GREB1L: variants seen among roughly 807,000 people sequenced by gnomAD.
GREB1L encodes GREB1 like retinoic acid receptor coactivator.
GREB1L carries 17 observed loss-of-function variants against 200.8 expected under a neutral mutation model. That is an observed-to-expected ratio of 0.08 (90% CI 0.06 to 0.13). The LOEUF (loss-of-function observed/expected upper bound fraction) is 0.13, where lower values mean the gene tolerates loss of function less well. Ranked by LOEUF, GREB1L falls within the 10% of genes least tolerant of loss-of-function variation. The pLI is 1.00. For missense variants in GREB1L, 1,657 were observed against 2,367.7 expected (o/e 0.70, Z 6.23); for synonymous variants, 789 against 893.0 (o/e 0.88, Z 2.08).
At chr18:21,407,534 T>C (rs1423131436) in intron 7 of GREB1L, among the ~76,000 whole-genome samples, 1 of 152,200 alleles carries the variant, frequency 6.6e-6, no homozygotes, top group African/African-American at 2.4e-5. Context: ...AGCAGACCGT[T>C]TTCTCATCAG....
At chr18:21,459,329 G>A (rs2034930691) in intron 15 of GREB1L, among the ~76,000 whole-genome samples, 1 of 133,450 alleles carries the variant, frequency 7.5e-6, no homozygotes, top group African/African-American at 2.7e-5. Flanking sequence ...CTTGTTGCCC[G>A]GGCTGGAGTG....
rs375034263 is a variant in GREB1L at position 21,267,302 on chromosome 18, C to T, written c.-120+24909C>T. Among the ~76,000 whole-genome samples the T allele has an allele frequency of 7.5e-3, 1,136 of 151,802 alleles. 24 individuals carry two copies. The highest frequency in any genetic ancestry group is 0.026 in the African/African-American group (1,088 of 41,336). ...GTTCAAGCGATTCTCCTGCCTCAGC[C>T]TCCTGAGTAGCTGGGATTACAGGTG... On this transcript the variant is annotated intron_variant, in intron 1 of 32. Coordinates refer to ENST00000424526, the MANE Select transcript of GREB1L (RefSeq NM_001142966.3).
chr18:21,353,173 C>A (rs1420148723), intron 1 of GREB1L, among the ~76,000 whole-genome samples: 1 of 148,128 alleles, frequency 6.8e-6, no homozygotes. Flanking sequence ...CAAAGTGAGA[C>A]TCTGTCTCAA....
chr18:21,300,364 A>G (rs182921961), intron 1 of GREB1L, among the ~76,000 whole-genome samples: 6 of 152,360 alleles, frequency 3.9e-5, no homozygotes, highest in African/African-American at 1.4e-4. Context: ...ACTGTGGTGT[A>G]AATCCATCAT....
intron 31 of GREB1L, among the ~76,000 whole-genome samples, chr18:21,520,424 T>G (rs1484490451): frequency 1.3e-5 from 2 of 152,250 alleles, no homozygotes; most frequent in Non-Finnish European, 2.9e-5. Context: ...AGGGCTTGTT[T>G]CTTACTACTA....
At chr18:21,369,206 C>T (rs1186418809) in intron 2 of GREB1L, among the ~76,000 whole-genome samples, 3 of 152,094 alleles carry the variant, frequency 2.0e-5, no homozygotes, top group Admixed American at 6.6e-5. Flanking sequence ...AGTTTGTTTT[C>T]GGAAACCATA....
In GREB1L at chr18:21,341,314, C is replaced by G. The variant is rs75711194; in HGVS notation, c.-119-24713C>G. ...AAGACAGGAGAGGCCACAGCATTGG[C>G]AAGGGTTCCTCCAGTTGAAAGTTTG... On this transcript the variant is annotated intron_variant, in intron 1 of 32. Transcript: ENST00000424526. Among the ~76,000 whole-genome samples, 1,133 of 152,292 alleles carry G rather than the reference C, an allele frequency of 7.4e-3. 16 individuals carry two copies. The highest frequency in any genetic ancestry group is 0.026 in the African/African-American group (1,070 of 41,564).
At chr18:21,294,061 C>A (rs1181859361) in intron 1 of GREB1L, among the ~76,000 whole-genome samples, 3 of 152,140 alleles carry the variant, frequency 2.0e-5, no homozygotes, top group Admixed American at 2.0e-4. Flanking sequence ...GGATTGCAGG[C>A]ATGAGCCACT....
chr18:21,415,299 G>T (rs749611773), intron 7 of GREB1L, among the ~76,000 whole-genome samples: 1 of 152,180 alleles, frequency 6.6e-6, no homozygotes, highest in Non-Finnish European at 1.5e-5. Context: ...AGGATTGCTT[G>T]AGCTCAGGAG....
chr18:21,477,482 T>C, intron 17 of GREB1L, 126 bp downstream of exon 17: 2 of 763,660 alleles, frequency 2.6e-6, no homozygotes, highest in Non-Finnish European at 3.8e-6. Context: ...AACGTAATGC[T>C]TTATGTAAGA....
At chr18:21,442,107 T>C (rs1598846327) in intron 10 of GREB1L, among the ~76,000 whole-genome samples, 2 of 152,298 alleles carry the variant, frequency 1.3e-5, no homozygotes, top group East Asian at 3.9e-4. Flanking sequence ...CCTTAGCATC[T>C]TTGAGGAGGC....
rs2037639290 is a variant in GREB1L at position 21,523,630 on chromosome 18, GC to G, written c.*810del. The G allele has an allele frequency of 6.6e-6, 1 of 152,214 alleles. No individual in the cohort carries two copies. The highest frequency in any genetic ancestry group is 6.5e-5 in the Admixed American group (1 of 15,268). 9.4% of individuals were successfully genotyped at this position (152,214 alleles called of 1,614,324 possible). A position where few individuals can be genotyped will look rare whatever the true frequency, so the allele number is the denominator to read the frequency against. The stretch of plus-strand genomic sequence containing the variant: ...TGCAAGAACTTAAGTCAGTTAAGAA[GC>G]TTTCAGCAGGTAACCTGCACCCACC... On this transcript the variant is annotated 3_prime_UTR_variant, in exon 33 of 33. Coordinates refer to ENST00000424526, the MANE Select transcript of GREB1L (RefSeq NM_001142966.3).
intron 2 of GREB1L, among the ~76,000 whole-genome samples, chr18:21,367,952 G>T (rs1409057127): frequency 2.6e-5 from 4 of 152,142 alleles, no homozygotes; most frequent in South Asian, 2.1e-4. Context: ...CACCTGACAG[G>T]TTATGAAAGG....
intron 7 of GREB1L, among the ~76,000 whole-genome samples, chr18:21,420,809 A>G (rs2032087443): frequency 6.6e-6 from 1 of 152,236 alleles, no homozygotes; most frequent in African/African-American, 2.4e-5. Context: ...GAAAGAAAAT[A>G]AAATCCATAC....
chr18:21,455,568 A>G (rs1242210784), intron 15 of GREB1L, among the ~76,000 whole-genome samples: 1 of 152,048 alleles, frequency 6.6e-6, no homozygotes, highest in Non-Finnish European at 1.5e-5. Flanking sequence ...CTGTTATCCC[A>G]GCTACTTGGG....
At chr18:21,366,562 GT>G (rs556574694) in intron 2 of GREB1L, among the ~76,000 whole-genome samples, 3 of 150,694 alleles carry the variant, frequency 2.0e-5, no homozygotes, top group Admixed American at 6.6e-5. Flanking sequence ...TTTTATAAAA[GT>G]TTTTTTTTCT....
chr18:21,277,691 A>G (rs2038191577), intron 1 of GREB1L, among the ~76,000 whole-genome samples: 1 of 152,056 alleles, frequency 6.6e-6, no homozygotes, highest in South Asian at 2.1e-4. Context: ...CTCAAACTGA[A>G]CATAGTCAAA....
At chr18:21,259,072 A>T (rs959497398) in intron 1 of GREB1L, among the ~76,000 whole-genome samples, 1 of 152,164 alleles carries the variant, frequency 6.6e-6, no homozygotes, top group Non-Finnish European at 1.5e-5. Flanking sequence ...ATACTGTTGC[A>T]TGGGAGATTA....
intron 1 of GREB1L, among the ~76,000 whole-genome samples, chr18:21,361,443 G>C (rs2039578842): frequency 6.6e-6 from 1 of 152,194 alleles, no homozygotes; most frequent in Admixed American, 6.5e-5. Flanking sequence ...ACCCAAGGCT[G>C]CACAAATTAA....
Sources: allele counts gnomAD v4.1 joint callset (sites outside exome capture counted in the v4.1 genomes callset), GRCh38; gene constraint gnomAD v4.1.1; transcripts MANE v1.5; gene names NCBI Gene and HGNC (gene_info 2026-07-23, HGNC 2026-07-21).